Variants in FHIT observed in about 807,000 individuals in gnomAD.
FHIT encodes fragile histidine triad diadenosine triphosphatase.
FHIT carries 19 observed loss-of-function variants against 17.9 expected under a neutral mutation model. That is an observed-to-expected ratio of 1.06 (90% confidence interval 0.74 to 1.56). The LOEUF is 1.56. Among genes scored for constraint, FHIT ranks in the 40% most tolerant of loss-of-function variants. The probability of loss-of-function intolerance (pLI) is 0.00; values close to 1 mark genes in which losing one functional copy is unlikely to be tolerated. For synonymous variants in FHIT, 81 were observed against 69.7 expected (o/e 1.16, Z -0.81); for missense variants, 248 against 189.2 (o/e 1.31, Z -1.82).
chr3:60,545,563 C>T (rs1288858855), intron 4 of FHIT, among the ~76,000 whole-genome samples: 14 of 152,170 alleles, frequency 9.2e-5, no homozygotes, highest in African/African-American at 3.1e-4. Flanking sequence ...ATTATCACTC[C>T]GCTCTAAAAC....
intron 3 of FHIT, among the ~76,000 whole-genome samples, chr3:60,983,455 G>A (rs534393531): frequency 3.2e-4 from 49 of 152,242 alleles, no homozygotes; most frequent in African/African-American, 1.2e-3. Context: ...GGGTAAGAAG[G>A]AGATGAATTC....
intron 1 of FHIT, among the ~76,000 whole-genome samples, chr3:61,208,041 C>T (rs1429378898): frequency 2.6e-5 from 4 of 152,098 alleles, no homozygotes; most frequent in Non-Finnish European, 5.9e-5. Context: ...TTTCAAAGAA[C>T]ATCTTTATTT....
At chr3:59,772,856 G>A (rs1190080763) in intron 8 of FHIT, among the ~76,000 whole-genome samples, 3 of 152,110 alleles carry the variant, frequency 2.0e-5, no homozygotes, top group Non-Finnish European at 4.4e-5. Context: ...AATATCGAGG[G>A]AGAAAAGCAG....
intron 2 of FHIT, among the ~76,000 whole-genome samples, chr3:61,076,012 G>A (rs927080951): frequency 6.6e-6 from 1 of 152,108 alleles, no homozygotes; most frequent in Non-Finnish European, 1.5e-5. Context: ...TCCCTCATAA[G>A]TGCCCTATGA....
chr3:59,913,715 C>G (rs1291010593), intron 8 of FHIT, among the ~76,000 whole-genome samples: 2 of 152,166 alleles, frequency 1.3e-5, no homozygotes, highest in Non-Finnish European at 2.9e-5. Flanking sequence ...TTTATGACCA[C>G]TAACCTTACA....
chr3:60,546,727 T>C (rs1238682339), intron 4 of FHIT, among the ~76,000 whole-genome samples: 1 of 152,168 alleles, frequency 6.6e-6, no homozygotes, highest in Non-Finnish European at 1.5e-5. Context: ...GAGTCTCAGC[T>C]CTGCCACTCT....
intron 5 of FHIT, among the ~76,000 whole-genome samples, chr3:60,436,653 T>G (rs1476793322): frequency 6.6e-6 from 1 of 152,138 alleles, no homozygotes; most frequent in Non-Finnish European, 1.5e-5. Flanking sequence ...TTTTATTAAA[T>G]CATGAATGTA....
chr3:60,062,999 C>T (rs1232909064), intron 5 of FHIT, among the ~76,000 whole-genome samples: 1 of 152,062 alleles, frequency 6.6e-6, no homozygotes, highest in Non-Finnish European at 1.5e-5. Context: ...ACAATGAGAC[C>T]GCTTCACAAT....
chr3:59,757,598 A>G (rs1701285528), intron 8 of FHIT, among the ~76,000 whole-genome samples: 1 of 152,220 alleles, frequency 6.6e-6, no homozygotes, highest in Non-Finnish European at 1.5e-5. Flanking sequence ...GTTTTTCAGA[A>G]TTTGGAACGA....
At chr3:60,408,751 G>T (rs899520389) in intron 5 of FHIT, among the ~76,000 whole-genome samples, 1 of 152,104 alleles carries the variant, frequency 6.6e-6, no homozygotes, top group African/African-American at 2.4e-5. Flanking sequence ...ACAGAAATTA[G>T]AATGAAATAT....
intron 4 of FHIT, among the ~76,000 whole-genome samples, chr3:60,640,519 GT>G (rs1360856742): frequency 6.6e-6 from 1 of 152,100 alleles, no homozygotes; most frequent in African/African-American, 2.4e-5. Context: ...TACATGGGAT[GT>G]TTATTTTGAA....
chr3:60,407,658 G>C (rs959347786), intron 5 of FHIT, among the ~76,000 whole-genome samples: 3 of 152,094 alleles, frequency 2.0e-5, no homozygotes, highest in African/African-American at 7.2e-5. Flanking sequence ...GGGATTACAA[G>C]TGTGTGCCAC....
chr3:60,705,811 GTCC>G, intron 4 of FHIT, among the ~76,000 whole-genome samples: 1 of 152,212 alleles, frequency 6.6e-6, no homozygotes, highest in South Asian at 2.1e-4. Flanking sequence ...CTCTCCAGCT[GTCC>G]TCCACACACC....
At chr3:60,259,127 C>A (rs905654315) in intron 5 of FHIT, among the ~76,000 whole-genome samples, 1 of 151,478 alleles carries the variant, frequency 6.6e-6, no homozygotes, top group African/African-American at 2.4e-5. Context: ...AAAATGACTA[C>A]CAAAGTTATA....
chr3:60,656,737 A>G (rs1169191592), intron 4 of FHIT, among the ~76,000 whole-genome samples: 1 of 152,202 alleles, frequency 6.6e-6, no homozygotes, highest in African/African-American at 2.4e-5. Flanking sequence ...AGGGTTTCCA[A>G]CGTTAACTAT....
chr3:60,328,103 C>T (rs1709787152), intron 5 of FHIT, among the ~76,000 whole-genome samples: 1 of 152,136 alleles, frequency 6.6e-6, no homozygotes, highest in African/African-American at 2.4e-5. Context: ...TTCAGCCTAG[C>T]CACCATGCTT....
At chr3:61,021,588 G>A (rs1295690915) in intron 3 of FHIT, among the ~76,000 whole-genome samples, 1 of 96,780 alleles carries the variant, frequency 1.0e-5, no homozygotes, top group Non-Finnish European at 1.9e-5. Flanking sequence ...GACAGAGCGA[G>A]ACTCCGTCTC....
intron 5 of FHIT, among the ~76,000 whole-genome samples, chr3:60,256,174 C>T (rs1157656719): frequency 6.6e-6 from 1 of 152,118 alleles, no homozygotes; most frequent in East Asian, 1.9e-4. Flanking sequence ...CCCCATCGTG[C>T]CTATTCCCAA....
At chr3:60,373,072 C>T (rs1309126442) in intron 5 of FHIT, among the ~76,000 whole-genome samples, 1 of 152,030 alleles carries the variant, frequency 6.6e-6, no homozygotes, top group Admixed American at 6.5e-5. Flanking sequence ...TTTTTATGTG[C>T]CAGACAATAT....
Sources: allele counts gnomAD v4.1 joint callset (sites outside exome capture counted in the v4.1 genomes callset), GRCh38; gene constraint gnomAD v4.1.1; transcripts MANE v1.5; gene names NCBI Gene and HGNC (gene_info 2026-07-23, HGNC 2026-07-21).